The following MAPK14 variants were observed in gnomAD, a reference collection of about 807,000 sequenced individuals.
The protein encoded by MAPK14 is CSAID-binding protein.
A neutral mutation model predicts 49.6 loss-of-function variants in MAPK14; 16 were observed. The observed-to-expected ratio is 0.32, with a 90% CI of 0.22 to 0.49. The LOEUF (loss-of-function observed/expected upper bound fraction) is 0.49, where lower values mean the gene tolerates loss of function less well. Among genes scored for constraint, MAPK14 ranks in the 20% least tolerant of loss-of-function variants. The probability of loss-of-function intolerance (pLI) is 0.99; values close to 1 mark genes in which losing one functional copy is unlikely to be tolerated. For missense variants in MAPK14, 200 were observed against 441.2 expected, an observed-to-expected ratio of 0.45 and a Z score of 4.90; for synonymous variants, 142 against 158.0, an observed-to-expected ratio of 0.90 and a Z score of 0.76.
chr6:36,082,846 A>G (rs2127453114), intron 8 of MAPK14, among the ~76,000 whole-genome samples: 1 of 152,318 alleles, frequency 6.6e-6, no homozygotes, highest in East Asian at 1.9e-4. Context: ...TTTAAATGCC[A>G]TTAAAATTTT....
chr6:36,116,573 C>G, the MAPK14 span, among the ~76,000 whole-genome samples: 1 of 152,296 alleles, frequency 6.6e-6, no homozygotes, highest in East Asian at 1.9e-4. Flanking sequence ...GAATCCCACT[C>G]TGCACAGTGG....
At chr6:36,055,939 T>G (rs958766974) in intron 2 of MAPK14, among the ~76,000 whole-genome samples, 36 of 152,150 alleles carry the variant, frequency 2.4e-4, no homozygotes, top group Admixed American at 2.4e-3. Context: ...CATCAAAAAT[T>G]TAAGTACTTT....
chr6:36,088,518 C>G (rs532180936), intron 8 of MAPK14, among the ~76,000 whole-genome samples: 1 of 152,104 alleles, frequency 6.6e-6, no homozygotes, highest in South Asian at 2.1e-4. Flanking sequence ...GTCAGGAGAT[C>G]GAGATCATCC....
intron 3 of MAPK14, among the ~76,000 whole-genome samples, chr6:36,064,584 A>G (rs1763970947): frequency 1.3e-5 from 2 of 152,210 alleles, no homozygotes; most frequent in Admixed American, 6.5e-5. Context: ...GTGAAAGCCA[A>G]TGAGAAGAGA....
intron 3 of MAPK14, among the ~76,000 whole-genome samples, chr6:36,064,518 T>C (rs1763967934): frequency 6.6e-6 from 1 of 152,192 alleles, no homozygotes; most frequent in Non-Finnish European, 1.5e-5. Context: ...GGTTTTGGAT[T>C]CTACCATGAT....
chr6:36,096,151 T>C, intron 9 of MAPK14, 85 bp downstream of exon 9: 3 of 927,980 alleles, frequency 3.2e-6, no homozygotes, highest in Non-Finnish European at 5.2e-6. Flanking sequence ...CCTGGGTGTG[T>C]TTGTAAGCAC....
At chr6:36,083,330 G>A (rs1215591065) in intron 8 of MAPK14, among the ~76,000 whole-genome samples, 1 of 152,220 alleles carries the variant, frequency 6.6e-6, no homozygotes, top group Non-Finnish European at 1.5e-5. Flanking sequence ...CCAAGGATCT[G>A]TGCAACCTGT....
At chr6:36,074,647 ACT>A (rs1170595284) in intron 6 of MAPK14, among the ~76,000 whole-genome samples, 1 of 151,332 alleles carries the variant, frequency 6.6e-6, no homozygotes, top group Non-Finnish European at 1.5e-5. Flanking sequence ...ATGCAGTCTC[ACT>A]CTGTTGCCCA....
chr6:36,110,265 G>A lies in MAPK14; in HGVS notation c.*1818G>A, dbSNP rs1485805051. 1 of 152,478 alleles carries A rather than the reference G, an allele frequency of 6.6e-6. No individual in the cohort carries two copies. The highest frequency in any genetic ancestry group is 1.5e-5 in the Non-Finnish European group (1 of 68,062). 9.4% of individuals were successfully genotyped at this position (152,478 alleles called of 1,614,324 possible). ...TACATGTACTCCAGAGGGACAGGGT[G>A]GACCCCCTGAGTCAACTGGAGCAAG... On this transcript the variant is annotated 3_prime_UTR_variant, in exon 12 of 12. Transcript: ENST00000229794.
At chr6:36,042,056 G>T (rs34297760) in intron 1 of MAPK14, among the ~76,000 whole-genome samples, 89,196 of 151,442 alleles carry the variant, frequency 0.59, 27,012 homozygotes, top group South Asian at 0.73. Flanking sequence ...CATAAACCAA[G>T]AGAATAGATA....
chr6:36,086,728 G>A (rs368076437), intron 8 of MAPK14, among the ~76,000 whole-genome samples: 158 of 152,290 alleles, frequency 1.0e-3, no homozygotes, highest in African/African-American at 3.7e-3. Context: ...AGAAGAGCTG[G>A]TACCATTTCT....
At chr6:36,090,193 T>C (rs1242876375) in intron 8 of MAPK14, among the ~76,000 whole-genome samples, 1 of 152,208 alleles carries the variant, frequency 6.6e-6, no homozygotes, top group Non-Finnish European at 1.5e-5. Flanking sequence ...GACATACTGC[T>C]AGACAAAGAA....
chr6:36,068,375 C>A (rs1337914922), intron 3 of MAPK14, among the ~76,000 whole-genome samples: 1 of 152,084 alleles, frequency 6.6e-6, no homozygotes, highest in Admixed American at 6.5e-5. Flanking sequence ...TTGTGTTTTA[C>A]TCTTAGTAAA....
chr6:36,105,746 T>C (rs1262837174), intron 10 of MAPK14, among the ~76,000 whole-genome samples: 1 of 152,186 alleles, frequency 6.6e-6, no homozygotes, highest in Non-Finnish European at 1.5e-5. Context: ...GCCTCCAATA[T>C]ACACAGCAGT....
intron 2 of MAPK14, among the ~76,000 whole-genome samples, chr6:36,058,385 G>C (rs2127424180): frequency 6.6e-6 from 1 of 152,248 alleles, no homozygotes; most frequent in Admixed American, 6.5e-5. Flanking sequence ...GTAAGGCAAG[G>C]ACCCTAAATC....
chr6:36,078,466 G>A (rs1203944473), intron 8 of MAPK14, among the ~76,000 whole-genome samples: 2 of 152,184 alleles, frequency 1.3e-5, no homozygotes, highest in Admixed American at 6.5e-5. Context: ...GAAAGTTTTC[G>A]AAGCAGTGTG....
Position 36,111,058 on chromosome 6 carries a change from T to G in MAPK14, c.*2611T>G, listed in dbSNP as rs1765960556. 6.6e-6 allele frequency: 1 copy of G among 152,212 alleles called. No homozygotes were observed. The highest frequency in any genetic ancestry group is 1.5e-5 in the Non-Finnish European group (1 of 68,024). The allele number at this position is 152,212 out of a possible 1,614,324, so 9.4% of individuals were successfully genotyped here. Reference sequence around the variant, plus strand: ...GCCGAAATGACAGGGCTCAGCAGACTGTGGCCTGAGGGCCAAATCTGGCCC... The same window carrying G: ...GCCGAAATGACAGGGCTCAGCAGACGGTGGCCTGAGGGCCAAATCTGGCCC... On this transcript the variant is annotated 3_prime_UTR_variant, in exon 12 of 12. Coordinates refer to ENST00000229794, the MANE Select transcript of MAPK14 (RefSeq NM_139012.3).
intron 8 of MAPK14, among the ~76,000 whole-genome samples, chr6:36,077,252 T>G (rs2127446748): frequency 6.6e-6 from 1 of 152,336 alleles, no homozygotes; most frequent in African/African-American, 2.4e-5. Flanking sequence ...TGCGGTATGC[T>G]TGTTTCATGG....
intron 1 of MAPK14, among the ~76,000 whole-genome samples, chr6:36,042,927 G>T (rs565689359): frequency 1.3e-5 from 2 of 152,142 alleles, no homozygotes; most frequent in East Asian, 3.9e-4. Flanking sequence ...TTCTAAACCA[G>T]CCTGGGCAAC....
Sources: allele counts gnomAD v4.1 joint callset (sites outside exome capture counted in the v4.1 genomes callset), GRCh38; gene constraint gnomAD v4.1.1; transcripts MANE v1.5; gene names NCBI Gene and HGNC (gene_info 2026-07-23, HGNC 2026-07-21).